ZNF530: variants seen among roughly 807,000 people sequenced by gnomAD.
ZNF530 encodes the protein zinc finger protein 530.
ZNF530 carries 5 observed loss-of-function variants against 2.8 expected under a neutral mutation model. That is an observed-to-expected ratio of 1.80 (90% CI 0.94 to 3.78). The LOEUF is 3.78. ZNF530 is among the 30% of genes most tolerant of loss of function. The pLI, the probability that ZNF530 is intolerant of heterozygous loss-of-function variation, is 0.00. For missense variants in ZNF530, 619 were observed against 673.3 expected, an observed-to-expected ratio of 0.92 and a Z score of 0.89; for synonymous variants, 229 against 235.0, an observed-to-expected ratio of 0.97 and a Z score of 0.23.
chr19:57,603,281 C>A (rs983037284), intron 2 of ZNF530, among the ~76,000 whole-genome samples: 1 of 152,192 alleles, frequency 6.6e-6, no homozygotes, highest in African/African-American at 2.4e-5. Flanking sequence ...CCTACTGGAT[C>A]CCTCCCATGA....
intron 2 of ZNF530, among the ~76,000 whole-genome samples, chr19:57,602,734 G>A (rs1310840175): frequency 6.6e-6 from 1 of 152,174 alleles, no homozygotes; most frequent in Non-Finnish European, 1.5e-5. Context: ...ACATACCTGA[G>A]ACTGGGAAGA....
At position 57,600,069 on chromosome 19, in the gene ZNF530, C is replaced by A; in HGVS notation, c.-187C>A. ...GCTTTGCTCTTGTCTCCGCCCGGAT[C>A]GTCCACCGCTCCCGGCCCGCTCCGC... On this transcript the variant is annotated 5_prime_UTR_variant, in exon 1 of 4. Coordinates refer to ENST00000597700, the MANE Select transcript of ZNF530 (RefSeq NM_001321981.2). 6.6e-7 allele frequency: 1 copy of A among 1,519,576 alleles called. No individual in the cohort carries two copies. Among genetic ancestry groups the A allele is most frequent in the Non-Finnish European group, 8.9e-7 (1 of 1,123,702 alleles). 94.1% of individuals were successfully genotyped at this position (1,519,576 alleles called of 1,614,324 possible). A position where few individuals can be genotyped will look rare whatever the true frequency, so the allele number is the denominator to read the frequency against.
chr19:57,600,629 C>T (rs1980189588), intron 1 of ZNF530, 99 bp from the exon 2 acceptor site: 1 of 155,026 alleles, frequency 6.5e-6, no homozygotes, highest in Admixed American at 6.5e-5. Flanking sequence ...ACAAAGCAGT[C>T]ATCCCTGGAC....
downstream of ZNF530, among the ~76,000 whole-genome samples, chr19:57,611,646 G>A (rs985533707): frequency 1.3e-5 from 2 of 151,988 alleles, no homozygotes; most frequent in African/African-American, 2.4e-5. Flanking sequence ...ACTGGCTCCA[G>A]GTGTTTTCTA....
In ZNF530 at chr19:57,600,131, C is replaced by G. The variant is rs373153873; in HGVS notation, c.-125C>G. Reference sequence around the variant, plus strand: ...TGGCGGCGGCACTGAGGGCCCCGACCCAGGTGAGCGCTGCGTCCTCCCGGC... The same window carrying G: ...TGGCGGCGGCACTGAGGGCCCCGACGCAGGTGAGCGCTGCGTCCTCCCGGC... On this transcript the variant is annotated 5_prime_UTR_variant, in exon 1 of 4. Coordinates refer to ENST00000597700, the MANE Select transcript of ZNF530 (RefSeq NM_001321981.2). The G allele has an allele frequency of 7.6e-6, 12 of 1,570,956 alleles. No individual in the cohort carries two copies. The highest frequency in any genetic ancestry group is 1.0e-5 in the Non-Finnish European group (12 of 1,157,490).
At position 57,608,912 on chromosome 19, in the gene ZNF530, C is replaced by A. The variant is rs913393708; in HGVS notation, c.*1587C>A. ...TAACAGCCTGGCCAAGGTGGTGAAA[C>A]CCTGGAAGGCTGAGGCAGATAATTG... On this transcript the variant is annotated 3_prime_UTR_variant, in exon 4 of 4. Transcript: ENST00000597700. 2.6e-5 allele frequency: 4 copies of A among 151,782 alleles called. No homozygotes were observed. Among genetic ancestry groups the A allele is most frequent in the Non-Finnish European group, 5.9e-5 (4 of 68,024 alleles). The allele number at this position is 151,782 out of a possible 1,614,324, so 9.4% of individuals were successfully genotyped here. A position where few individuals can be genotyped will look rare whatever the true frequency, so the allele number is the denominator to read the frequency against.
At chr19:57,611,333 T>C (rs1980868995), downstream of ZNF530, among the ~76,000 whole-genome samples, 1 of 152,182 alleles carries the variant, frequency 6.6e-6, no homozygotes, top group Non-Finnish European at 1.5e-5. Context: ...GCCAAGTGGA[T>C]AACTTGAGAG....
Position 57,606,936 on chromosome 19 carries a change from T to G in ZNF530, c.1312T>G (p.Ser438Ala), listed in dbSNP as rs757032888. The change falls in exon 4 of 4, where the codon TCA becomes GCA. Residue 438 changes from serine (S) to alanine (A), a missense_variant. Coordinates refer to ENST00000597700, the MANE Select transcript of ZNF530 (RefSeq NM_001321981.2). ...KPYECSECEK[S>A]FSCKTDLIRH... ...TTATGAGTGCAGTGAATGTGAAAAA[T>G]CATTTAGTTGCAAAACTGACCTCAT... is the stretch of plus-strand genomic sequence containing the variant. The G allele has an allele frequency of 6.2e-7, 1 of 1,613,344 alleles. No individual in the cohort carries two copies. The highest frequency in any genetic ancestry group is 8.5e-7 in the Non-Finnish European group (1 of 1,179,844).
Position 57,599,955 on chromosome 19 carries a change from G to A in ZNF530, c.-301G>A. On this transcript the variant is annotated 5_prime_UTR_variant, in exon 1 of 4. Transcript: ENST00000597700. ...AGTTCCATCCGCGGGTGCCGGATCT[G>A]GACCTAGGTGCTGACAGCGAGAAGG... 1.1e-6 allele frequency: 1 copy of A among 877,928 alleles called. No individual in the cohort carries two copies. The allele number at this position is 877,928 out of a possible 1,614,324, so 54.4% of individuals were successfully genotyped here.
Position 57,599,967 on chromosome 19 carries a change from T to C in ZNF530, c.-289T>C, listed in dbSNP as rs373546604. 2.5e-5 allele frequency: 26 copies of C among 1,027,482 alleles called. No homozygotes were observed. The highest frequency in any genetic ancestry group is 1.1e-4 in the Admixed American group (4 of 34,858). 63.6% of individuals were successfully genotyped at this position (1,027,482 alleles called of 1,614,324 possible). On this transcript the variant is annotated 5_prime_UTR_variant, in exon 1 of 4. Coordinates refer to ENST00000597700, the MANE Select transcript of ZNF530 (RefSeq NM_001321981.2). ...GGGTGCCGGATCTGGACCTAGGTGC[T>C]GACAGCGAGAAGGCGCGAGGAGAGT...
At position 57,607,066 on chromosome 19, in the gene ZNF530, C is replaced by A. The variant is rs957528949; in HGVS notation, c.1442C>A (p.Thr481Asn). 6.2e-7 allele frequency: 1 copy of A among 1,612,946 alleles called. No individual in the cohort carries two copies. The highest frequency in any genetic ancestry group is 1.3e-5 in the African/African-American group (1 of 74,786). The change falls in exon 4 of 4, where the codon ACT becomes AAT. Residue 481 changes from threonine to asparagine, a missense_variant. Physicochemically the swap from Thr to Asn is moderately conservative, Grantham distance 65. Coordinates refer to ENST00000597700, the MANE Select transcript of ZNF530 (RefSeq NM_001321981.2). ...CTCATTCGACACCAGACTGTTCACACTAATGAAAGGCCTTATGAGTGCGAT... is the reference window on the plus strand; with the variant it reads ...CTCATTCGACACCAGACTGTTCACAATAATGAAAGGCCTTATGAGTGCGAT... ...THLIRHQTVH[T>N]NERPYECDEC...
At chr19:57,612,709 T>A (rs1980921407), downstream of ZNF530, 1 of 388,552 alleles carries the variant, frequency 2.6e-6, no homozygotes, top group East Asian at 3.6e-5. Context: ...TAAAATTACA[T>A]TTTGGAGACT....
chr19:57,602,732 G>A (rs1980306219), intron 2 of ZNF530, among the ~76,000 whole-genome samples: 1 of 152,196 alleles, frequency 6.6e-6, no homozygotes, highest in Non-Finnish European at 1.5e-5. Flanking sequence ...AGACATACCT[G>A]AGACTGGGAA....
rs575474620 is a variant in ZNF530, at chr19:57,609,589, C to T, written c.*2264C>T. On this transcript the variant is annotated 3_prime_UTR_variant, in exon 4 of 4. Coordinates refer to ENST00000597700, the MANE Select transcript of ZNF530 (RefSeq NM_001321981.2). ...TTGAACCTGGGAGGTGAGCCGAGATCGCACCATTGCACTTCGGCCTGGGCA... is the reference window on the plus strand; with the variant it reads ...TTGAACCTGGGAGGTGAGCCGAGATTGCACCATTGCACTTCGGCCTGGGCA... Among the ~76,000 whole-genome samples the T allele has an allele frequency of 7.8e-4, 119 of 152,260 alleles. No homozygotes were observed. Among genetic ancestry groups the T allele is most frequent in the South Asian group, 4.6e-3 (22 of 4,832 alleles).
Position 57,607,218 on chromosome 19 carries a change from C to T in ZNF530, c.1594C>T (p.His532Tyr). 2 of 1,614,126 alleles carry T rather than the reference C, an allele frequency of 1.2e-6. No individual in the cohort carries two copies. Among genetic ancestry groups the T allele is most frequent in the Non-Finnish European group, 1.7e-6 (2 of 1,180,042 alleles). ...TACCCGCAAAAATCACCTCATTCAA[C>T]ACAAGACAGTTCACACTGGAGAAAG... is the stretch of plus-strand genomic sequence containing the variant. ...SFTRKNHLIQ[H>Y]KTVHTGERPY... The change falls in exon 4 of 4, where the codon CAC (histidine) becomes TAC (tyrosine). Residue 532 changes from histidine to tyrosine, a missense_variant. By Grantham distance (83) the His-to-Tyr change is moderately conservative. Coordinates refer to ENST00000597700, the MANE Select transcript of ZNF530 (RefSeq NM_001321981.2).
At chr19:57,610,674 T>G (rs1490443333), downstream of ZNF530, among the ~76,000 whole-genome samples, 10 of 152,046 alleles carry the variant, frequency 6.6e-5, no homozygotes, top group African/African-American at 2.2e-4. Context: ...GAACAGCTGT[T>G]CCTCAGGACC....
At chr19:57,610,305 T>C (rs994433765), downstream of ZNF530, among the ~76,000 whole-genome samples, 12 of 152,202 alleles carry the variant, frequency 7.9e-5, no homozygotes, top group Non-Finnish European at 1.6e-4. Context: ...TATTTTTTTG[T>C]GCTTTTATTT....
At chr19:57,604,930 C>T (rs1465000199) in intron 3 of ZNF530, 1 of 156,850 alleles carries the variant, frequency 6.4e-6, no homozygotes, top group Non-Finnish European at 1.4e-5. Context: ...GGGCATACAT[C>T]TTATAGGTCT....
chr19:57,607,125 C>T lies in ZNF530; in HGVS notation c.1501C>T (p.Leu501Phe). 1 of 1,613,952 alleles carries T rather than the reference C, an allele frequency of 6.2e-7. No individual in the cohort carries two copies. The highest frequency in any genetic ancestry group is 8.5e-7 in the Non-Finnish European group (1 of 1,180,002). Residue 501 changes from leucine to phenylalanine, a missense_variant, in exon 4 of 4, where the codon CTC (leucine) becomes TTC (phenylalanine). By Grantham distance (22) the Leu-to-Phe change is conservative (BLOSUM62 0). Transcript: ENST00000597700. ...GAAATCCTATAGCCAAAGCTCTGCC[C>T]TCCTTCAGCATAGGAGAGTTCACAC... is the stretch of plus-strand genomic sequence containing the variant. ...CGKSYSQSSA[L>F]LQHRRVHTGE...
Sources: allele counts gnomAD v4.1 joint callset (sites outside exome capture counted in the v4.1 genomes callset), GRCh38; gene constraint gnomAD v4.1.1; transcripts MANE v1.5; gene names NCBI Gene and HGNC (gene_info 2026-07-23, HGNC 2026-07-21).